The following RPS6KA5 variants were observed in gnomAD, a reference collection of about 807,000 sequenced individuals.
RPS6KA5 encodes the protein ribosomal protein S6 kinase alpha-5.
Under a neutral mutation model 85.5 loss-of-function variants are expected in RPS6KA5, and 27 were observed. That is an observed-to-expected ratio of 0.32 (90% CI 0.23 to 0.44). The LOEUF is 0.44. Among genes scored for constraint, RPS6KA5 ranks in the 20% least tolerant of loss-of-function variants. The pLI is 1.00. For synonymous variants in RPS6KA5, 334 were observed against 348.2 expected (o/e 0.96, Z 0.46); for missense variants, 811 against 980.9 (o/e 0.83, Z 2.31).
intron 14 of RPS6KA5, among the ~76,000 whole-genome samples, chr14:90,890,189 T>C (rs1005605994): frequency 1.7e-4 from 26 of 152,254 alleles, no homozygotes; most frequent in African/African-American, 5.5e-4. Flanking sequence ...TTTCACATTA[T>C]GTCCAATATA....
At position 90,947,490 on chromosome 14, in the gene RPS6KA5, T is replaced by C. The variant is rs746170983; in HGVS notation, c.455A>G (p.His152Arg). ...CTCTCCAACATAAATCTGCACCTCA[T>C]GCTCTGTGAAACGCTCTCTTTGAGA... ...HLSQRERFTE[H>R]EVQIYVGEIV... The change falls in exon 4 of 17, where the codon CAT (histidine) becomes CGT (arginine). Residue 152 changes from histidine (H) to arginine (R), a missense_variant. Transcript: ENST00000614987. The C allele has an allele frequency of 6.2e-6, 10 of 1,613,254 alleles. No individual in the cohort carries two copies. The highest frequency in any genetic ancestry group is 1.7e-4 in the Middle Eastern group (1 of 6,058).
intron 12 of RPS6KA5, 97 bp from the exon 13 acceptor site, chr14:90,894,680 A>C: frequency 7.5e-7 from 1 of 1,335,122 alleles, no homozygotes; most frequent in South Asian, 1.5e-5. Flanking sequence ...CAATACGTTT[A>C]AATAATCCCC....
intron 8 of RPS6KA5, 29 bp from the exon 9 acceptor site, chr14:90,902,998 G>A (rs1386283875): frequency 6.3e-7 from 1 of 1,577,670 alleles, no homozygotes; most frequent in South Asian, 1.1e-5. Context: ...GTACAAAGTA[G>A]AAATCAATAG....
chr14:90,932,826 G>T (rs1453956464), intron 5 of RPS6KA5, among the ~76,000 whole-genome samples: 4 of 152,154 alleles, frequency 2.6e-5, no homozygotes, highest in African/African-American at 9.7e-5. Context: ...TATTATTATA[G>T]GAGATAGATA....
chr14:90,944,916 T>C (rs1282381522), intron 4 of RPS6KA5, among the ~76,000 whole-genome samples: 1 of 143,172 alleles, frequency 7.0e-6, no homozygotes, highest in African/African-American at 2.7e-5. Context: ...TATGTCTATT[T>C]TTAGACCCAA....
intron 5 of RPS6KA5, among the ~76,000 whole-genome samples, chr14:90,941,020 A>G (rs1437621568): frequency 1.3e-5 from 2 of 152,184 alleles, no homozygotes; most frequent in African/African-American, 4.8e-5. Flanking sequence ...AGCACACAGA[A>G]GGCCCTCAAC....
At chr14:91,018,898 A>G (rs2041617529) in intron 1 of RPS6KA5, among the ~76,000 whole-genome samples, 1 of 152,052 alleles carries the variant, frequency 6.6e-6, no homozygotes, top group Non-Finnish European at 1.5e-5. Context: ...GAGAACCCTG[A>G]CTTATAACAC....
chr14:91,041,328 T>C (rs1023768695), intron 1 of RPS6KA5, among the ~76,000 whole-genome samples: 4 of 152,194 alleles, frequency 2.6e-5, no homozygotes, highest in Admixed American at 2.6e-4. Context: ...TTACTCAACA[T>C]CACAAAACAT....
At chr14:91,004,067 C>A (rs1365755806) in intron 1 of RPS6KA5, among the ~76,000 whole-genome samples, 2 of 151,996 alleles carry the variant, frequency 1.3e-5, no homozygotes, top group East Asian at 3.9e-4. Context: ...ATTTTGTCTT[C>A]ATTTTCTTGT....
intron 2 of RPS6KA5, among the ~76,000 whole-genome samples, chr14:90,981,345 C>T (rs1425348959): frequency 6.6e-6 from 1 of 152,128 alleles, no homozygotes; most frequent in Non-Finnish European, 1.5e-5. Context: ...AAACCAATCT[C>T]AAAGTAAGAT....
chr14:90,874,700 G>C lies in RPS6KA5; in HGVS notation c.1996+501C>G, dbSNP rs946515440. On this transcript the variant is annotated intron_variant, in intron 15 of 16. Coordinates refer to ENST00000614987, the MANE Select transcript of RPS6KA5 (RefSeq NM_004755.4). ...GAGGCAAGGTGAAAGGATGCTGCAG[G>C]ATTTGGGGAGAGAAATGGTGATGAG... Among the ~76,000 whole-genome samples the C allele has an allele frequency of 2.6e-5, 4 of 152,162 alleles. No individual in the cohort carries two copies. The East Asian group carries it at 7.7e-4, about 29-fold the overall frequency.
intron 1 of RPS6KA5, among the ~76,000 whole-genome samples, chr14:91,047,955 T>C (rs1182510573): frequency 6.6e-6 from 1 of 152,208 alleles, no homozygotes; most frequent in Non-Finnish European, 1.5e-5. Context: ...CCTGTCTCCC[T>C]CTTACAAGAA....
chr14:91,014,057 A>T (rs1327786642), intron 1 of RPS6KA5, among the ~76,000 whole-genome samples: 1 of 152,240 alleles, frequency 6.6e-6, no homozygotes, highest in African/African-American at 2.4e-5. Context: ...AAATAAGATC[A>T]ACTTTCCAAA....
intron 2 of RPS6KA5, among the ~76,000 whole-genome samples, chr14:90,982,721 C>A (rs1157869307): frequency 6.6e-6 from 1 of 152,084 alleles, no homozygotes; most frequent in Non-Finnish European, 1.5e-5. Flanking sequence ...GCTCACGCCT[C>A]TAATCCCAGC....
At position 90,849,090 on chromosome 14, in the gene RPS6KA5, C is replaced by T. The variant is rs1008104831; in HGVS notation, c.*22984G>A. The T allele has an allele frequency of 6.6e-5, 10 of 152,146 alleles. No individual in the cohort carries two copies. Among genetic ancestry groups the T allele is most frequent in the Non-Finnish European group, 1.3e-4 (9 of 68,054 alleles). 9.4% of individuals were successfully genotyped at this position (152,146 alleles called of 1,614,324 possible). On this transcript the variant is annotated 3_prime_UTR_variant, in exon 17 of 17. Coordinates refer to ENST00000614987, the MANE Select transcript of RPS6KA5 (RefSeq NM_004755.4). ...GCAAGCAAATTTCTGCAAATAGAAGCGTTCACCCCACAGATGAGAAAAGGG... is the reference window on the plus strand; with the variant it reads ...GCAAGCAAATTTCTGCAAATAGAAGTGTTCACCCCACAGATGAGAAAAGGG...
Position 90,849,834 on chromosome 14 carries a change from ACC to A in RPS6KA5, c.*22238_*22239del, listed in dbSNP as rs2031899927. 1.3e-5 allele frequency: 2 copies of A among 152,232 alleles called. No homozygotes were observed. The highest frequency in any genetic ancestry group is 2.4e-5 in the African/African-American group (1 of 41,446). 9.4% of individuals were successfully genotyped at this position (152,232 alleles called of 1,614,324 possible). A position where few individuals can be genotyped will look rare whatever the true frequency, so the allele number is the denominator to read the frequency against. On this transcript the variant is annotated 3_prime_UTR_variant, in exon 17 of 17. Transcript: ENST00000614987. Reference sequence around the variant, plus strand: ...CGTTGATGCTAGATGATGTCCTCAAACCTGACGTAGTAAAGGAAAATCAACAC... The same window carrying A: ...CGTTGATGCTAGATGATGTCCTCAAATGACGTAGTAAAGGAAAATCAACAC...
intron 1 of RPS6KA5, among the ~76,000 whole-genome samples, chr14:91,038,998 T>C (rs999589004): frequency 1.3e-5 from 2 of 152,210 alleles, no homozygotes; most frequent in Non-Finnish European, 2.9e-5. Context: ...CCTGCATTGA[T>C]AACTGGCTGA....
At chr14:90,996,963 A>G (rs1193741811) in intron 2 of RPS6KA5, among the ~76,000 whole-genome samples, 3 of 152,248 alleles carry the variant, frequency 2.0e-5, no homozygotes, top group African/African-American at 7.2e-5. Flanking sequence ...ACTGAATTAT[A>G]GATGAGTTAG....
intron 1 of RPS6KA5, among the ~76,000 whole-genome samples, chr14:91,030,807 TA>T (rs932785145): frequency 5.3e-5 from 8 of 151,796 alleles, no homozygotes; most frequent in Admixed American, 2.6e-4. Context: ...TAAATCTGTA[TA>T]GGGGGAGCCT....
Sources: gnomAD v4.1 joint callset for allele counts (sites outside exome capture counted in the v4.1 genomes callset) on GRCh38, gnomAD v4.1.1 for gene constraint, MANE v1.5 for transcripts, NCBI Gene and HGNC (gene_info 2026-07-23, HGNC 2026-07-21) for gene names.